The following GOLGA4 variants were observed in gnomAD, a reference collection of about 807,000 sequenced individuals.
The protein encoded by GOLGA4 is golgin A4.
A neutral mutation model predicts 265.9 loss-of-function variants in GOLGA4; 169 were observed. The observed-to-expected ratio is 0.64, with a 90% CI of 0.56 to 0.72. The LOEUF is 0.72. Ranked by LOEUF, GOLGA4 falls within the 30% of genes least tolerant of loss-of-function variation. The pLI is 0.00. For synonymous variants in GOLGA4, 923 were observed against 855.8 expected, an observed-to-expected ratio of 1.08 and a Z score of -1.37; for missense variants, 2,482 against 2,483.4, an observed-to-expected ratio of 1.00 and a Z score of 0.01.
At chr3:37,333,192 G>T (rs1352273055) in intron 16 of GOLGA4, among the ~76,000 whole-genome samples, 2 of 152,214 alleles carry the variant, frequency 1.3e-5, no homozygotes, top group African/African-American at 4.8e-5. Flanking sequence ...CAATCTCAGA[G>T]CAGTCTCACT....
At chr3:37,347,497 AT>A (rs2097059962) in intron 21 of GOLGA4, among the ~76,000 whole-genome samples, 1 of 152,204 alleles carries the variant, frequency 6.6e-6, no homozygotes, top group Non-Finnish European at 1.5e-5. Flanking sequence ...TTTATAAAAC[AT>A]TAATTTTGAA....
At chr3:37,359,306 A>T (rs574445365) in intron 22 of GOLGA4, among the ~76,000 whole-genome samples, 3 of 152,080 alleles carry the variant, frequency 2.0e-5, no homozygotes, top group Non-Finnish European at 4.4e-5. Flanking sequence ...GTACACCCTG[A>T]TTTTTTTTAA....
In GOLGA4 at chr3:37,282,134, T is replaced by G. The variant is rs1389576292; in HGVS notation, c.339T>G (p.Ser113Arg). The G allele has an allele frequency of 6.2e-7, 1 of 1,614,152 alleles. No individual in the cohort carries two copies. Among genetic ancestry groups the G allele is most frequent in the East Asian group, 2.2e-5 (1 of 44,888 alleles). The change falls in exon 3 of 24, where the codon AGT (serine) becomes AGG (arginine). Residue 113 changes from serine (S) to arginine (R), a missense_variant. Physicochemically the swap from Ser to Arg is moderately radical, Grantham distance 110 (BLOSUM62 -1). Around this residue, in one of 3 missense-constraint regions of GOLGA4, gnomAD observed 1,536 missense variants for 1,483.7 expected, o/e 1.04. Coordinates refer to ENST00000361924, the MANE Select transcript of GOLGA4 (RefSeq NM_002078.5). ...TTGACCTGGACAGTTCTACTGCCAG[T>G]TTTGATCCACCCTCTGATATGGATA... ...NRLDLDSSTA[S>R]FDPPSDMDSE... is the part of the protein sequence containing the mutation.
chr3:37,263,701 G>T (rs138247917), intron 2 of GOLGA4, among the ~76,000 whole-genome samples: 4 of 152,260 alleles, frequency 2.6e-5, no homozygotes, highest in African/African-American at 7.2e-5. Context: ...ATATACACAC[G>T]CATATATATA....
chr3:37,317,019 A>G lies in GOLGA4; in HGVS notation c.1413+1421A>G, dbSNP rs570748095. On this transcript the variant is annotated intron_variant, in intron 11 of 23. Transcript: ENST00000361924. ...CTTTCTAGGAGATTGTTCCTTAGCCATTGGTAGTTGATAATTCATAGTGAT... is the reference window on the plus strand; with the variant it reads ...CTTTCTAGGAGATTGTTCCTTAGCCGTTGGTAGTTGATAATTCATAGTGAT... Among the ~76,000 whole-genome samples, 24 of 152,176 alleles carry G rather than the reference A, an allele frequency of 1.6e-4. 1 individual carries two copies. The highest frequency in any genetic ancestry group is 5.8e-4 in the African/African-American group (24 of 41,524).
chr3:37,366,790 TA>T lies in GOLGA4; in HGVS notation c.*748del, dbSNP rs1416410017. ...CTTGTTCCTCAGTTGAAATCTATTT[TA>T]AAATGTTTAAGAATGCATATTCTAT... On this transcript the variant is annotated 3_prime_UTR_variant, in exon 24 of 24. Transcript: ENST00000361924. 3 of 152,380 alleles carry T rather than the reference TA, an allele frequency of 2.0e-5. No homozygotes were observed. Among genetic ancestry groups the T allele is most frequent in the Non-Finnish European group, 4.4e-5 (3 of 68,042 alleles). 9.4% of individuals were successfully genotyped at this position (152,380 alleles called of 1,614,324 possible).
chr3:37,302,271 CAAACAGATGACTACCCAGGGAG>C lies in GOLGA4; in HGVS notation c.1175_1196del (p.Lys392ArgfsTer22). The C allele has an allele frequency of 6.2e-7, 1 of 1,612,988 alleles. No individual in the cohort carries two copies. Among genetic ancestry groups the C allele is most frequent in the Non-Finnish European group, 8.5e-7 (1 of 1,179,034 alleles). On this transcript the variant is annotated frameshift_variant, in exon 10 of 24. Transcript: ENST00000361924. LOFTEE classifies it high-confidence loss of function. ...AAATTGCTCAACTCCGTAGTCGCATCAAACAGATGACTACCCAGGGAGAGGAATTACGGGAACAGAAAGAAAA... is the reference window on the plus strand; with the variant it reads ...AAATTGCTCAACTCCGTAGTCGCATCAGGAATTACGGGAACAGAAAGAAAA...
intron 21 of GOLGA4, among the ~76,000 whole-genome samples, chr3:37,353,556 T>G (rs1470664663): frequency 6.6e-6 from 1 of 152,054 alleles, no homozygotes; most frequent in African/African-American, 2.4e-5. Flanking sequence ...GTTGTTGTAT[T>G]TTTAACAACA....
intron 23 of GOLGA4, among the ~76,000 whole-genome samples, chr3:37,365,799 C>CTT (rs376627490): frequency 0.024 from 3,108 of 129,812 alleles, 58 homozygotes; most frequent in Non-Finnish European, 0.035. Flanking sequence ...ACAATTTCTA[C>CTT]TTTTTTTTTT....
chr3:37,292,452 C>G (rs1255280867), intron 5 of GOLGA4, among the ~76,000 whole-genome samples: 1 of 152,194 alleles, frequency 6.6e-6, no homozygotes, highest in Non-Finnish European at 1.5e-5. Context: ...CTTTGGGAGG[C>G]TGAGGCAGGC....
intron 16 of GOLGA4, among the ~76,000 whole-genome samples, chr3:37,333,692 T>C (rs1326252210): frequency 6.6e-6 from 1 of 151,914 alleles, no homozygotes; most frequent in African/African-American, 2.4e-5. Flanking sequence ...CAATTTTCGG[T>C]TGATGGTGTT....
chr3:37,346,363 TA>T (rs149187882), intron 20 of GOLGA4, among the ~76,000 whole-genome samples: 5,862 of 152,120 alleles, frequency 0.039, 144 homozygotes, highest in African/African-American at 0.056. Context: ...CTAGTTCCTT[TA>T]AAAAAAATCG....
rs376514605 is a variant in GOLGA4, at chr3:37,355,200, A to G, written c.6663+13A>G. On this transcript the variant is annotated intron_variant, in intron 22 of 23. Transcript: ENST00000361924. ...TGCTCGGCTGATGGTAAGTTCTGGA[A>G]GTGGGCTCTAGATAGAAGATGATTT... The G allele has an allele frequency of 1.0e-5, 14 of 1,376,624 alleles. No individual in the cohort carries two copies. The highest frequency in any genetic ancestry group is 1.5e-5 in the Non-Finnish European group (14 of 963,826). The allele number at this position is 1,376,624 out of a possible 1,614,324, so 85.3% of individuals were successfully genotyped here.
intron 10 of GOLGA4, among the ~76,000 whole-genome samples, chr3:37,304,071 A>C (rs2096900030): frequency 6.6e-6 from 1 of 152,218 alleles, no homozygotes; most frequent in Non-Finnish European, 1.5e-5. Flanking sequence ...TGAGTTTGGC[A>C]ATGAGACATA....
intron 2 of GOLGA4, among the ~76,000 whole-genome samples, chr3:37,267,735 A>G (rs756340419): frequency 6.6e-6 from 1 of 152,226 alleles, no homozygotes; most frequent in Non-Finnish European, 1.5e-5. Context: ...ACAATGGAGA[A>G]ATGTGGCAAA....
rs777254340 is a variant in GOLGA4, at chr3:37,325,145, AAAG to A, written c.3264_3266del (p.Glu1089del). 8 of 1,613,626 alleles carry A rather than the reference AAAG, an allele frequency of 5.0e-6. No homozygotes were observed. In the African/African-American group the frequency reaches 6.7e-5, roughly 13 times the overall value. ...AAAGATCCTCCTATTTGGGTGTGAA[AAAG>A]AAGAGATGAACAAGGAAATAACATG... On this transcript the variant is annotated inframe_deletion, in exon 14 of 24. Coordinates refer to ENST00000361924, the MANE Select transcript of GOLGA4 (RefSeq NM_002078.5).
At chr3:37,274,905 C>T (rs866330646) in intron 2 of GOLGA4, among the ~76,000 whole-genome samples, 1 of 151,702 alleles carries the variant, frequency 6.6e-6, no homozygotes. Flanking sequence ...ACAAAACATT[C>T]GGAAGTATTG....
chr3:37,261,883 A>G (rs560689603), intron 2 of GOLGA4, among the ~76,000 whole-genome samples: 1 of 152,286 alleles, frequency 6.6e-6, no homozygotes, highest in Admixed American at 6.5e-5. Context: ...AAGGTAAGAA[A>G]CCTGAACCAA....
chr3:37,327,022 A>C lies in GOLGA4; in HGVS notation c.5136A>C (p.Ala1712=), dbSNP rs572482827. The C allele has an allele frequency of 3.7e-6, 6 of 1,613,882 alleles. No individual in the cohort carries two copies. The South Asian group carries it at 5.5e-5, about 15-fold the overall frequency. ...AAACATTAATTGTACCCAGATCAGCAAAAAATGTGGCAGCATATACTGAAC... is the reference window on the plus strand; with the variant it reads ...AAACATTAATTGTACCCAGATCAGCCAAAAATGTGGCAGCATATACTGAAC... ...QSETLIVPRS[A]KNVAAYTEQE... is the part of the protein sequence containing the mutation. The change falls in exon 14 of 24, where the codon GCA becomes GCC. Residue 1712 remains alanine (A), a synonymous_variant. Transcript: ENST00000361924.
Sources: gnomAD v4.1 joint callset for allele counts (sites outside exome capture counted in the v4.1 genomes callset) on GRCh38, gnomAD v4.1.1 for gene constraint, gnomAD v4.1.1 regional missense constraint, MANE v1.5 for transcripts, NCBI Gene and HGNC (gene_info 2026-07-23, HGNC 2026-07-21) for gene names.